The following YWHAZ variants were observed in gnomAD, a reference collection of about 807,000 sequenced individuals.
YWHAZ encodes the protein 14-3-3 protein zeta/delta.
For missense variants in YWHAZ, 79 were observed against 284.8 expected (o/e 0.28, Z 5.20); for synonymous variants, 87 against 103.6 (o/e 0.84, Z 0.97).
At chr8:100,926,764 T>A (rs1813394214) in intron 2 of YWHAZ, among the ~76,000 whole-genome samples, 1 of 152,264 alleles carries the variant, frequency 6.6e-6, no homozygotes, top group Admixed American at 6.5e-5. Flanking sequence ...TTGAATACAA[T>A]GCTTTTTACC....
chr8:100,950,434 C>T (rs1810629662), intron 1 of YWHAZ: 30 of 985,370 alleles, frequency 3.0e-5, no homozygotes, highest in Non-Finnish European at 3.6e-5. Flanking sequence ...TACTGTGAAA[C>T]GAAAACGGGC....
At chr8:100,929,381 G>A (rs1412002919) in intron 2 of YWHAZ, among the ~76,000 whole-genome samples, 2 of 152,032 alleles carry the variant, frequency 1.3e-5, no homozygotes, top group Non-Finnish European at 2.9e-5. Flanking sequence ...TGTATCTTTA[G>A]TACCAATGGG....
In YWHAZ at chr8:100,947,572, T is replaced by C. The variant is rs527336617; in HGVS notation, c.294+1024A>G. ...GAACTGATGCTATTCCATTAGTAAA[T>C]ACAAATGTAAAGAAATGATAGTATC... is the stretch of plus-strand genomic sequence containing the variant. On this transcript the variant is annotated intron_variant, in intron 2 of 5. Transcript: ENST00000395958. Among the ~76,000 whole-genome samples, 31 of 152,308 alleles carry C rather than the reference T, an allele frequency of 2.0e-4. No individual in the cohort carries two copies. In the Middle Eastern group the frequency reaches 0.014, roughly 67 times the overall value.
intron 2 of YWHAZ, chr8:100,934,721 A>G (rs1814016710): frequency 2.0e-5 from 3 of 152,192 alleles, no homozygotes; most frequent in Admixed American, 2.0e-4. Flanking sequence ...TGTCAAAATG[A>G]AACATAAGAT....
intron 2 of YWHAZ, among the ~76,000 whole-genome samples, chr8:100,938,729 C>T (rs974528421): frequency 5.9e-5 from 9 of 152,214 alleles, no homozygotes; most frequent in Non-Finnish European, 1.2e-4. Context: ...ACATTAGGGG[C>T]CCATAGATTT....
At chr8:100,953,011 TG>T, upstream of YWHAZ, 1 of 994,676 alleles carries the variant, frequency 1.0e-6, no homozygotes, top group Non-Finnish European at 1.2e-6. Flanking sequence ...GGCGCCGAGG[TG>T]GGGGCGAGGT....
intron 2 of YWHAZ, among the ~76,000 whole-genome samples, chr8:100,926,320 G>A (rs1813358430): frequency 6.6e-6 from 1 of 151,626 alleles, no homozygotes; most frequent in Admixed American, 6.6e-5. Flanking sequence ...CTGAAATGAT[G>A]TTTCCTGCAA....
chr8:100,952,909 T>C (rs551138761), upstream of YWHAZ: 1,598 of 1,000,196 alleles, frequency 1.6e-3, 4 homozygotes, highest in Non-Finnish European at 1.8e-3. Context: ...GAGTGAGGCG[T>C]CCAGCCCCTG....
chr8:100,948,424 G>GT lies in YWHAZ; in HGVS notation c.294+171dup, dbSNP rs1241539484. On this transcript the variant is annotated intron_variant, in intron 2 of 5. Transcript: ENST00000395958. This position sits in a 1 kb window ranked among gnomAD's most constrained non-coding sequence, Gnocchi z 4.2. ...ATTGTTGCAATTATTTTACATACAC[G>GT]TATCTATAATTGTCTTAACATCTTT... is the stretch of plus-strand genomic sequence containing the variant. 1.3e-5 allele frequency among the ~76,000 whole-genome samples: 2 copies of GT among 152,124 alleles called. No individual in the cohort carries two copies. The highest frequency in any genetic ancestry group is 1.9e-4 in the East Asian group (1 of 5,182).
intron 2 of YWHAZ, among the ~76,000 whole-genome samples, chr8:100,945,307 A>G (rs1478154116): frequency 6.6e-6 from 1 of 152,268 alleles, no homozygotes; most frequent in Non-Finnish European, 1.5e-5. Flanking sequence ...CAATAGATAA[A>G]TACATATAAC....
chr8:100,947,738 T>C (rs1810410653), intron 2 of YWHAZ, among the ~76,000 whole-genome samples: 1 of 152,186 alleles, frequency 6.6e-6, no homozygotes, highest in Non-Finnish European at 1.5e-5. Context: ...GATTCAGTAA[T>C]CTGTCCAGAA....
chr8:100,935,672 C>T (rs1814096143), intron 2 of YWHAZ, among the ~76,000 whole-genome samples: 1 of 152,026 alleles, frequency 6.6e-6, no homozygotes, highest in South Asian at 2.1e-4. Flanking sequence ...AAGAAAAATC[C>T]TGCAGAGAGA....
intron 5 of YWHAZ, among the ~76,000 whole-genome samples, chr8:100,921,502 C>A (rs1813024855): frequency 1.3e-5 from 2 of 152,280 alleles, no homozygotes; most frequent in African/African-American, 4.8e-5. Context: ...GTGACTCACA[C>A]TCCAAACAGA....
In YWHAZ at chr8:100,922,179, T is replaced by G. The variant is rs1813067243; in HGVS notation, c.679-1427A>C. ...GAATTTTCTGTATAAACATGCAAAT[T>G]TGATACAAAATATTTCTTTTTCTAG... On this transcript the variant is annotated intron_variant, in intron 5 of 5. Transcript: ENST00000395958. This position sits in a 1 kb window ranked among gnomAD's most constrained non-coding sequence, Gnocchi z 4.1. Among the ~76,000 whole-genome samples, 1 of 152,186 alleles carries G rather than the reference T, an allele frequency of 6.6e-6. No individual in the cohort carries two copies. The highest frequency in any genetic ancestry group is 6.5e-5 in the Admixed American group (1 of 15,284).
At position 100,920,729 on chromosome 8, in the gene YWHAZ, T is replaced by G. The variant is rs772846290; in HGVS notation, c.702A>C (p.Gly234=). The change falls in exon 6 of 6, where the codon GGA becomes GGC. Residue 234 remains glycine, a synonymous_variant. Transcript: ENST00000395958. ...CTCCTTCTCCTGCTTCAGCTTCGTC[T>G]CCTTGGGTATCCGATGTCCACAACT... ...NLTLWTSDTQ[G]DEAEAGEGGE... is the part of the protein sequence containing the mutation. The G allele has an allele frequency of 4.1e-6, 6 of 1,451,732 alleles. No individual in the cohort carries two copies. Among genetic ancestry groups the G allele is most frequent in the African/African-American group, 3.1e-5 (2 of 65,034 alleles). The allele number at this position is 1,451,732 out of a possible 1,614,324, so 89.9% of individuals were successfully genotyped here.
At chr8:100,952,224 C>T (rs1586173861), upstream of YWHAZ, 1 of 915,232 alleles carries the variant, frequency 1.1e-6, no homozygotes, top group Non-Finnish European at 1.3e-6. Context: ...GGAGGGCGAG[C>T]GGAGGCGCGC....
rs150871973 is a variant in YWHAZ at position 100,927,743 on chromosome 8, A to G, written c.295-2704T>C. 7.2e-4 allele frequency among the ~76,000 whole-genome samples: 109 copies of G among 152,360 alleles called. 1 individual carries two copies. Among genetic ancestry groups the G allele is most frequent in the African/African-American group, 2.5e-3 (105 of 41,594 alleles). ...TAGTAATCTATCTTTTGTAGGTAGTAACTTTCTACCTGGGTAATATGCTGA... is the reference window on the plus strand; with the variant it reads ...TAGTAATCTATCTTTTGTAGGTAGTGACTTTCTACCTGGGTAATATGCTGA... On this transcript the variant is annotated intron_variant, in intron 2 of 5. Coordinates refer to ENST00000395958, the MANE Select transcript of YWHAZ (RefSeq NM_145690.3).
chr8:100,952,689 C>G (rs1198151255), upstream of YWHAZ: 2 of 710,502 alleles, frequency 2.8e-6, no homozygotes, highest in Non-Finnish European at 3.5e-6. Context: ...TCAGGACTTG[C>G]GGGGCGGGGG....
rs1554611426 is a variant in YWHAZ, at chr8:100,918,436, A to ATATATATT, written c.*2256_*2257insAATATATA. The stretch of plus-strand genomic sequence containing the variant: ...TATATATATATATATATATATATAT[A>ATATATATT]TATATATAATTATTTTACCTCCTTG... On this transcript the variant is annotated 3_prime_UTR_variant, in exon 6 of 6. Coordinates refer to ENST00000395958, the MANE Select transcript of YWHAZ (RefSeq NM_145690.3). 2.8e-5 allele frequency: 3 copies of ATATATATT among 106,288 alleles called. No individual in the cohort carries two copies. Among genetic ancestry groups the ATATATATT allele is most frequent in the African/African-American group, 1.1e-4 (3 of 27,164 alleles). 6.6% of individuals were successfully genotyped at this position (106,288 alleles called of 1,614,324 possible). A position where few individuals can be genotyped will look rare whatever the true frequency, so the allele number is the denominator to read the frequency against.
Sources: gnomAD v4.1 joint callset for allele counts (sites outside exome capture counted in the v4.1 genomes callset) on GRCh38, gnomAD v4.1.1 for gene constraint, Gnocchi (gnomAD v3.1) non-coding constraint, MANE v1.5 for transcripts, NCBI Gene and HGNC (gene_info 2026-07-23, HGNC 2026-07-21) for gene names.